The following B4GALT1 variants were observed in gnomAD, a reference collection of about 807,000 sequenced individuals.
The protein encoded by B4GALT1 is N-acetyllactosamine synthase.
A neutral mutation model predicts 34.9 loss-of-function variants in B4GALT1; 16 were observed. The ratio of observed to expected loss-of-function variants is 0.46; its 90% confidence interval spans 0.31 to 0.70. The LOEUF is 0.70. B4GALT1 is among the 30% of genes least tolerant of loss of function. The probability of loss-of-function intolerance (pLI) is 0.05; values close to 1 mark genes in which losing one functional copy is unlikely to be tolerated. For synonymous variants in B4GALT1, 221 were observed against 218.1 expected, an observed-to-expected ratio of 1.01 and a Z score of -0.12; for missense variants, 445 against 530.5, an observed-to-expected ratio of 0.84 and a Z score of 1.58.
intron 1 of B4GALT1, among the ~76,000 whole-genome samples, chr9:33,148,177 A>G (rs1236603199): frequency 1.3e-5 from 2 of 152,234 alleles, no homozygotes; most frequent in African/African-American, 2.4e-5. Flanking sequence ...CCAGTGAAAA[A>G]CAGGCAAAGG....
chr9:33,136,220 T>C (rs1840270653), intron 1 of B4GALT1, among the ~76,000 whole-genome samples: 1 of 152,090 alleles, frequency 6.6e-6, no homozygotes, highest in Non-Finnish European at 1.5e-5. Context: ...TAGAAGAACA[T>C]GGATGCAGAT....
At chr9:33,174,088 A>G in the B4GALT1 span, 1 of 102,342 alleles carries the variant, frequency 9.8e-6, no homozygotes, top group African/African-American at 3.5e-5. Flanking sequence ...GAGACATTCT[A>G]GAAAATAACC....
chr9:33,167,056 G>T lies in B4GALT1; in HGVS notation c.114C>A (p.Leu38=). 1 of 1,602,448 alleles carries T rather than the reference G, an allele frequency of 6.2e-7. No homozygotes were observed. The highest frequency in any genetic ancestry group is 8.5e-7 in the Non-Finnish European group (1 of 1,179,002). ...AVCALHLGVT[L]VYYLAGRDLS... is the part of the protein sequence containing the mutation. ...GGTCGCGGCCAGCCAGGTAGTAAAC[G>T]AGGGTGACGCCAAGGTGCAGAGCGC... Residue 38 remains leucine, a synonymous_variant, in exon 1 of 6, where the codon CTC becomes CTA. Coordinates refer to ENST00000379731, the MANE Select transcript of B4GALT1 (RefSeq NM_001497.4).
intron 3 of B4GALT1, among the ~76,000 whole-genome samples, chr9:33,119,771 T>G (rs1370946816): frequency 1.3e-5 from 2 of 151,720 alleles, no homozygotes; most frequent in African/African-American, 4.8e-5. Flanking sequence ...AGCTAAATAA[T>G]TCAGTGGGGG....
chr9:33,116,809 C>T (rs1839946487), intron 3 of B4GALT1, among the ~76,000 whole-genome samples: 1 of 148,774 alleles, frequency 6.7e-6, no homozygotes, highest in African/African-American at 2.4e-5. Flanking sequence ...AGGCAAGAGC[C>T]ACCATGTCCA....
chr9:33,145,355 C>G (rs1032623625), intron 1 of B4GALT1, among the ~76,000 whole-genome samples: 2 of 152,298 alleles, frequency 1.3e-5, no homozygotes, highest in African/African-American at 4.8e-5. Flanking sequence ...GGCTCTTCAC[C>G]AAATGTCACT....
At chr9:33,156,744 T>C (rs1840599137) in intron 1 of B4GALT1, among the ~76,000 whole-genome samples, 1 of 152,192 alleles carries the variant, frequency 6.6e-6, no homozygotes, top group Non-Finnish European at 1.5e-5. Context: ...CCCAACAGAA[T>C]ATAAGTTTCT....
Position 33,116,113 on chromosome 9 carries a change from G to A in B4GALT1, c.837C>T (p.Ser279=). The stretch of plus-strand genomic sequence containing the variant: ...CTCCAAAATACTGAACATAAGGTAG[G>A]CTGGAGGAAAAACATACACACAGAA... ...ISVAMDKFGF[S]LPYVQYFGGV... The change falls in exon 4 of 6, where the codon AGC becomes AGT. Residue 279 remains serine, a splice_region_variant and synonymous_variant. Coordinates refer to ENST00000379731, the MANE Select transcript of B4GALT1 (RefSeq NM_001497.4). 4 of 1,612,766 alleles carry A rather than the reference G, an allele frequency of 2.5e-6. No individual in the cohort carries two copies. The South Asian group carries it at 4.4e-5, about 18-fold the overall frequency.
chr9:33,114,100 T>G (rs1035786440), intron 4 of B4GALT1, among the ~76,000 whole-genome samples: 2 of 152,196 alleles, frequency 1.3e-5, no homozygotes, highest in African/African-American at 4.8e-5. Context: ...TGGTGTTGAC[T>G]ACCATGTGCC....
At chr9:33,151,423 G>A (rs2118247966) in intron 1 of B4GALT1, among the ~76,000 whole-genome samples, 1 of 152,218 alleles carries the variant, frequency 6.6e-6, no homozygotes, top group Non-Finnish European at 1.5e-5. Flanking sequence ...TCTCCACCTA[G>A]AACCAGACCT....
At chr9:33,158,323 T>G (rs755627625) in intron 1 of B4GALT1, among the ~76,000 whole-genome samples, 22 of 152,228 alleles carry the variant, frequency 1.4e-4, no homozygotes, top group Non-Finnish European at 3.2e-4. Context: ...GGCTTGCTCC[T>G]ACCCTCTGCA....
chr9:33,140,505 A>G (rs1160798994), intron 1 of B4GALT1, among the ~76,000 whole-genome samples: 2 of 149,752 alleles, frequency 1.3e-5, no homozygotes, highest in East Asian at 4.0e-4. Flanking sequence ...TAAAAAAAAA[A>G]TCCTTCCTTG....
chr9:33,105,509 G>A (rs1839789372), intron 2 of B4GALT1, among the ~76,000 whole-genome samples: 1 of 152,192 alleles, frequency 6.6e-6, no homozygotes, highest in South Asian at 2.1e-4. Context: ...GAGTGCCAAT[G>A]TAAAGTTCTG....
chr9:33,144,526 C>T (rs1312535551), intron 1 of B4GALT1, among the ~76,000 whole-genome samples: 1 of 152,252 alleles, frequency 6.6e-6, no homozygotes, highest in Non-Finnish European at 1.5e-5. Flanking sequence ...GCATGAGCCA[C>T]CATGCCCAGC....
At position 33,134,208 on chromosome 9, in the gene B4GALT1, G is replaced by C. The variant is rs116527506; in HGVS notation, c.648+981C>G. Among the ~76,000 whole-genome samples the C allele has an allele frequency of 9.4e-3, 1,432 of 152,320 alleles. 21 individuals are homozygous for C. The highest frequency in any genetic ancestry group is 0.032 in the African/African-American group (1,346 of 41,576). On this transcript the variant is annotated intron_variant, in intron 2 of 5. Transcript: ENST00000379731. Reference sequence around the variant, plus strand: ...CTCGAGTGCTTCCCCTGGGGTCATAGGGAAGGTGCACAGAGTTCCTTGACC... The same window carrying C: ...CTCGAGTGCTTCCCCTGGGGTCATACGGAAGGTGCACAGAGTTCCTTGACC...
At chr9:33,179,138 T>A in the B4GALT1 span, among the ~76,000 whole-genome samples, 1 of 152,220 alleles carries the variant, frequency 6.6e-6, no homozygotes, top group Admixed American at 6.5e-5. Context: ...AACATTATCA[T>A]ATTCTGCCTC....
chr9:33,127,325 C>A (rs1235841031), intron 2 of B4GALT1, among the ~76,000 whole-genome samples: 4 of 152,190 alleles, frequency 2.6e-5, no homozygotes, highest in African/African-American at 4.8e-5. Flanking sequence ...TCTCCCAGGG[C>A]CCGACACACT....
intron 1 of B4GALT1, among the ~76,000 whole-genome samples, chr9:33,138,726 G>A (rs1840305588): frequency 2.0e-5 from 3 of 151,968 alleles, no homozygotes; most frequent in African/African-American, 4.8e-5. Context: ...TCTCTCTCCT[G>A]ACCTCACAGC....
chr9:33,164,288 C>G (rs1466775920), intron 1 of B4GALT1, among the ~76,000 whole-genome samples: 1 of 152,194 alleles, frequency 6.6e-6, no homozygotes, highest in Non-Finnish European at 1.5e-5. Context: ...TGACACCTGC[C>G]CATGAACAGA....
Sources: gnomAD v4.1 joint callset for allele counts (sites outside exome capture counted in the v4.1 genomes callset) on GRCh38, gnomAD v4.1.1 for gene constraint, MANE v1.5 for transcripts, NCBI Gene and HGNC (gene_info 2026-07-23, HGNC 2026-07-21) for gene names.